The following UBN1 variants were observed in gnomAD, a reference collection of about 807,000 sequenced individuals.
The protein encoded by UBN1 is ubinuclein-1.
A neutral mutation model predicts 108.5 loss-of-function variants in UBN1; 17 were observed. That is an observed-to-expected ratio of 0.16 (90% CI 0.11 to 0.24). UBN1 has a LOEUF of 0.24. UBN1 is among the 10% of genes least tolerant of loss of function. UBN1 has a pLI of 1.00. For missense variants in UBN1, 1,595 were observed against 1,394.4 expected (o/e 1.14, Z -2.29); for synonymous variants, 726 against 564.2 (o/e 1.29, Z -4.07).
Position 4,853,158 on chromosome 16 carries a change from G to A in UBN1, c.241G>A (p.Gly81Arg). ...IRGKVKGLQP[G>R]DKKKDLSDPF... ...AGGGAAGGTAAAAGGCCTTCAGCCT[G>A]GAGATAAGGTACACCCCTTTGTTCC... The change falls in exon 2 of 18, where the codon GGA becomes AGA. Residue 81 changes from glycine to arginine, a missense_variant. Gly to Arg is a moderately radical substitution (Grantham distance 125). Around this residue, in one of 3 missense-constraint regions of UBN1, gnomAD observed 181 missense variants for 157.3 expected, o/e 1.15. Coordinates refer to ENST00000262376, the MANE Select transcript of UBN1 (RefSeq NM_001079514.3). The A allele has an allele frequency of 6.2e-7, 1 of 1,614,136 alleles. No homozygotes were observed. The highest frequency in any genetic ancestry group is 1.3e-5 in the African/African-American group (1 of 75,046).
chr16:4,860,616 T>C, intron 6 of UBN1, 48 bp from the exon 7 acceptor site: 2 of 1,551,480 alleles, frequency 1.3e-6, no homozygotes, highest in Non-Finnish European at 1.7e-6. Context: ...GGAGTTCCCT[T>C]TGGAGGTGTC....
chr16:4,849,350 A>AAAACAT (rs1410820340), intron 1 of UBN1, among the ~76,000 whole-genome samples: 5 of 152,210 alleles, frequency 3.3e-5, no homozygotes, highest in African/African-American at 1.2e-4. Flanking sequence ...TTTGAAAACA[A>AAAACAT]AAACAAAAAC....
Position 4,875,343 on chromosome 16 carries a change from G to A in UBN1, c.2933G>A (p.Ser978Asn). 1 of 1,614,220 alleles carries A rather than the reference G, an allele frequency of 6.2e-7. No homozygotes were observed. The highest frequency in any genetic ancestry group is 8.5e-7 in the Non-Finnish European group (1 of 1,180,046). Reference sequence around the variant, plus strand: ...CCAGGCGGTCCAAACGGAGATTCCAGTGGTGGGACCCAGGGAGTGGCAAAG... The same window carrying A: ...CCAGGCGGTCCAAACGGAGATTCCAATGGTGGGACCCAGGGAGTGGCAAAG... Reference protein sequence around the residue: ...APPGGPNGDSSGGTQGVAKLL... With the variant: ...APPGGPNGDSNGGTQGVAKLL... Residue 978 changes from serine to asparagine, a missense_variant, in exon 15 of 18, where the codon AGT (serine) becomes AAT (asparagine). Ser to Asn is a conservative substitution (Grantham distance 46). Around this residue, in one of 3 missense-constraint regions of UBN1, gnomAD observed 1,398 missense variants for 1,194.7 expected, o/e 1.17. Coordinates refer to ENST00000262376, the MANE Select transcript of UBN1 (RefSeq NM_001079514.3).
chr16:4,871,358 CT>C, intron 12 of UBN1, 57 bp downstream of exon 12: 1 of 1,573,012 alleles, frequency 6.4e-7, no homozygotes, highest in East Asian at 2.2e-5. Flanking sequence ...TTGAACGCTG[CT>C]TTTGTGCCAG....
At chr16:4,872,620 C>A (rs947096383) in intron 12 of UBN1, among the ~76,000 whole-genome samples, 2 of 152,198 alleles carry the variant, frequency 1.3e-5, no homozygotes, top group African/African-American at 2.4e-5. Context: ...AGGCGTGCGC[C>A]ACCACGCCTG....
Position 4,877,739 on chromosome 16 carries a change from G to A in UBN1, c.3355+265G>A. 2 of 1,192,232 alleles carry A rather than the reference G, an allele frequency of 1.7e-6. No homozygotes were observed. Among genetic ancestry groups the A allele is most frequent in the Non-Finnish European group, 1.0e-6 (1 of 963,144 alleles). The allele number at this position is 1,192,232 out of a possible 1,614,324, so 73.9% of individuals were successfully genotyped here. On this transcript the variant is annotated intron_variant, in intron 17 of 17. Transcript: ENST00000262376. This position sits in a 1 kb window ranked among gnomAD's most constrained non-coding sequence, Gnocchi z 4.3. ...GGAAAGTTGCGGGGGGCAGGGTGGTGCGCTTTTGTGTGCGGTGGAGGAGTT... is the reference window on the plus strand; with the variant it reads ...GGAAAGTTGCGGGGGGCAGGGTGGTACGCTTTTGTGTGCGGTGGAGGAGTT...
Position 4,873,014 on chromosome 16 carries a change from C to T in UBN1, c.1758-17C>T, listed in dbSNP as rs147641600. 69 of 1,614,206 alleles carry T rather than the reference C, an allele frequency of 4.3e-5. No individual in the cohort carries two copies. In the East Asian group the frequency reaches 1.2e-3, roughly 29 times the overall value. Reference sequence around the variant, plus strand: ...TGGATATTCTCTAAACTTTTCTGTGCTCATTCCTTTGAACAGGGCCAAGAA... The same window carrying T: ...TGGATATTCTCTAAACTTTTCTGTGTTCATTCCTTTGAACAGGGCCAAGAA... On this transcript the variant is annotated splice_polypyrimidine_tract_variant and intron_variant, in intron 13 of 17. Coordinates refer to ENST00000262376, the MANE Select transcript of UBN1 (RefSeq NM_001079514.3).
intron 1 of UBN1, among the ~76,000 whole-genome samples, chr16:4,848,698 A>T (rs1045168197): frequency 2.6e-5 from 4 of 152,256 alleles, no homozygotes; most frequent in African/African-American, 9.6e-5. Context: ...TGATCTTTAA[A>T]GCGTATTTAA....
chr16:4,868,750 C>A, intron 7 of UBN1, 83 bp from the exon 8 acceptor site: 1 of 1,360,894 alleles, frequency 7.3e-7, no homozygotes, highest in African/African-American at 1.4e-5. Flanking sequence ...CTTTATGGAG[C>A]GATGACTCCT....
rs368743671 is a variant in UBN1, at chr16:4,860,801, C to T, written c.809C>T (p.Ala270Val). The change falls in exon 7 of 18, where the codon GCG becomes GTG. Residue 270 changes from alanine to valine, a missense_variant. Around this residue, in one of 3 missense-constraint regions of UBN1, gnomAD observed 1,398 missense variants for 1,194.7 expected, o/e 1.17. Coordinates refer to ENST00000262376, the MANE Select transcript of UBN1 (RefSeq NM_001079514.3). ...AGGGAGGAGGAGCATAAGCCTGTTG[C>T]GGTCCCATCAGCGGAAGCTCAGGGC... ...KKREEEHKPVAVPSAEAQGLR... is the reference protein window; with the variant it reads ...KKREEEHKPVVVPSAEAQGLR... 5.5e-5 allele frequency: 89 copies of T among 1,614,268 alleles called. 1 individual carries two copies. In the South Asian group the frequency reaches 8.6e-4, roughly 16 times the overall value.
At chr16:4,876,083 T>C (rs1398623339) in intron 15 of UBN1, among the ~76,000 whole-genome samples, 1 of 151,974 alleles carries the variant, frequency 6.6e-6, no homozygotes, top group African/African-American at 2.4e-5. Context: ...CTCAGCTTCT[T>C]GAGTAGCTGG....
chr16:4,870,134 C>T (rs2087549757), intron 8 of UBN1, 78 bp from the exon 9 acceptor site: 1 of 1,589,306 alleles, frequency 6.3e-7, no homozygotes, highest in Non-Finnish European at 8.6e-7. Flanking sequence ...CCTAGCTTTC[C>T]TCTCCACGTA....
chr16:4,850,485 G>A (rs1321363511), intron 1 of UBN1, among the ~76,000 whole-genome samples: 1 of 152,206 alleles, frequency 6.6e-6, no homozygotes, highest in Admixed American at 6.5e-5. Flanking sequence ...TATCAGTGGG[G>A]GAATCTGTAA....
Position 4,861,022 on chromosome 16 carries a change from G to T in UBN1, c.1030G>T (p.Asp344Tyr). 6.2e-7 allele frequency: 1 copy of T among 1,614,184 alleles called. No homozygotes were observed. Among genetic ancestry groups the T allele is most frequent in the South Asian group, 1.1e-5 (1 of 91,074 alleles). Residue 344 changes from aspartate (D) to tyrosine (Y), a missense_variant, in exon 7 of 18, where the codon GAC becomes TAC. Asp to Tyr is a radical substitution (Grantham distance 160). Around this residue, in one of 3 missense-constraint regions of UBN1, gnomAD observed 1,398 missense variants for 1,194.7 expected, o/e 1.17. Coordinates refer to ENST00000262376, the MANE Select transcript of UBN1 (RefSeq NM_001079514.3). The part of the protein sequence containing the change: ...DGSDSLGVGL[D>Y]QEFRQPSSLP... ...AAGTGATTCCCTTGGGGTGGGATTG[G>T]ACCAGGAATTCAGGCAGCCCTCTTC...
intron 14 of UBN1, 79 bp downstream of exon 14, chr16:4,873,152 T>G: frequency 6.3e-7 from 1 of 1,585,434 alleles, no homozygotes; most frequent in African/African-American, 1.3e-5. Context: ...CAAGTGACTG[T>G]GGAAGCTCAT....
intron 7 of UBN1, 57 bp downstream of exon 7, chr16:4,861,159 T>C (rs1418521625): frequency 5.2e-6 from 8 of 1,540,900 alleles, no homozygotes; most frequent in Non-Finnish European, 7.0e-6. Flanking sequence ...AGATTGCTGT[T>C]GGTTCTGCAC....
chr16:4,875,817 G>A (rs1389569804), intron 15 of UBN1, among the ~76,000 whole-genome samples: 1 of 152,190 alleles, frequency 6.6e-6, no homozygotes, highest in Non-Finnish European at 1.5e-5. Flanking sequence ...TCATGTGGAG[G>A]TGTTCATGGA....
chr16:4,857,387 C>CT (rs1260145657), intron 2 of UBN1, among the ~76,000 whole-genome samples: 36 of 149,034 alleles, frequency 2.4e-4, no homozygotes, highest in Non-Finnish European at 4.1e-4. Flanking sequence ...TTTTGGATTC[C>CT]TTGCTCACAA....
At chr16:4,862,917 A>G (rs545709865) in intron 7 of UBN1, among the ~76,000 whole-genome samples, 4 of 152,356 alleles carry the variant, frequency 2.6e-5, no homozygotes, top group South Asian at 4.1e-4. Flanking sequence ...CCCATAGTCA[A>G]GGTGGGCCTG....
Sources: gnomAD v4.1 joint callset for allele counts (sites outside exome capture counted in the v4.1 genomes callset) on GRCh38, gnomAD v4.1.1 for gene constraint, gnomAD v4.1.1 regional missense constraint, Gnocchi (gnomAD v3.1) non-coding constraint, MANE v1.5 for transcripts, NCBI Gene and HGNC (gene_info 2026-07-23, HGNC 2026-07-21) for gene names.